CDH13: variants seen among roughly 807,000 people sequenced by gnomAD.
The protein encoded by CDH13 is cadherin-13.
CDH13 carries 24 observed loss-of-function variants against 63.8 expected under a neutral mutation model. The observed-to-expected ratio is 0.38, with a 90% CI of 0.27 to 0.53. CDH13 has a LOEUF of 0.53. CDH13 is among the 20% of genes least tolerant of loss of function. The pLI, the probability that CDH13 is intolerant of heterozygous loss-of-function variation, is 0.85. For missense variants in CDH13, 1,049 were observed against 903.1 expected (o/e 1.16, Z -2.07); for synonymous variants, 503 against 355.3 (o/e 1.42, Z -4.67).
intron 4 of CDH13, among the ~76,000 whole-genome samples, chr16:83,132,910 CT>C (rs1445696779): frequency 6.6e-6 from 1 of 152,192 alleles, no homozygotes; most frequent in Non-Finnish European, 1.5e-5. Flanking sequence ...ACACATAAGC[CT>C]TTCCTATTTC....
chr16:82,761,153 A>T (rs1440945325), intron 1 of CDH13, among the ~76,000 whole-genome samples: 1 of 148,864 alleles, frequency 6.7e-6, no homozygotes, highest in Non-Finnish European at 1.5e-5. Flanking sequence ...CCTCCCAAGT[A>T]ACTGGGAGTA....
At chr16:83,180,896 A>G (rs1288635398) in intron 4 of CDH13, 20 of 1,531,868 alleles carry the variant, frequency 1.3e-5, no homozygotes, top group Non-Finnish European at 1.7e-5. Flanking sequence ...TTAACAGCGA[A>G]CTTCTCTTGA....
chr16:83,452,796 G>A (rs1220705265), intron 6 of CDH13, among the ~76,000 whole-genome samples: 5 of 152,324 alleles, frequency 3.3e-5, no homozygotes, highest in East Asian at 1.9e-4. Flanking sequence ...AGAAGTATTC[G>A]TGGATGAAGT....
chr16:82,657,204 GTTTAA>G (rs1431027104), intron 1 of CDH13, among the ~76,000 whole-genome samples: 2 of 152,060 alleles, frequency 1.3e-5, no homozygotes, highest in Non-Finnish European at 2.9e-5. Flanking sequence ...CTGTGATAAA[GTTTAA>G]TTTATAAATG....
intron 7 of CDH13, among the ~76,000 whole-genome samples, chr16:83,553,779 A>G (rs1283993543): frequency 6.6e-6 from 1 of 151,550 alleles, no homozygotes; most frequent in Non-Finnish European, 1.5e-5. Context: ...CTGGTCTTGA[A>G]CTCCTGACCT....
chr16:83,687,650 T>C (rs1470767055), intron 10 of CDH13, among the ~76,000 whole-genome samples: 2 of 152,204 alleles, frequency 1.3e-5, no homozygotes, highest in African/African-American at 2.4e-5. Context: ...TCTTCAAACA[T>C]TGACTAATGT....
chr16:82,868,730 T>G (rs1369814347), intron 2 of CDH13, among the ~76,000 whole-genome samples: 1 of 152,212 alleles, frequency 6.6e-6, no homozygotes, highest in Non-Finnish European at 1.5e-5. Context: ...GGCTGCTTAG[T>G]GTGAGAATTT....
At chr16:83,525,209 T>G (rs1219574617) in intron 7 of CDH13, among the ~76,000 whole-genome samples, 2 of 152,170 alleles carry the variant, frequency 1.3e-5, no homozygotes, top group Non-Finnish European at 2.9e-5. Flanking sequence ...AATGTAGTAC[T>G]CGGATTGACC....
chr16:83,646,389 G>C (rs1224346603), intron 8 of CDH13, among the ~76,000 whole-genome samples: 1 of 152,102 alleles, frequency 6.6e-6, no homozygotes, highest in Admixed American at 6.5e-5. Context: ...GTTCTGCAGG[G>C]CTCAACTTTC....
chr16:83,149,857 C>G (rs890871049), intron 4 of CDH13, among the ~76,000 whole-genome samples: 4 of 152,192 alleles, frequency 2.6e-5, no homozygotes, highest in African/African-American at 9.7e-5. Context: ...AATATTTACA[C>G]CACAGAAACA....
chr16:83,695,728 T>C (rs1245224952), intron 10 of CDH13, among the ~76,000 whole-genome samples: 1 of 152,174 alleles, frequency 6.6e-6, no homozygotes, highest in Non-Finnish European at 1.5e-5. Flanking sequence ...GAACAGTAAC[T>C]AAATAGAAAG....
intron 3 of CDH13, among the ~76,000 whole-genome samples, chr16:83,060,327 G>C (rs1043097279): frequency 2.0e-5 from 3 of 152,170 alleles, no homozygotes; most frequent in African/African-American, 7.2e-5. Context: ...GTTGATAAAT[G>C]CGTAGGTCTC....
Position 82,782,038 on chromosome 16 carries a change from C to G in CDH13, c.46-76324C>G, listed in dbSNP as rs138517378. Among the ~76,000 whole-genome samples the G allele has an allele frequency of 1.9e-3, 295 of 152,302 alleles. 1 individual carries two copies. The highest frequency in any genetic ancestry group is 6.9e-3 in the African/African-American group (285 of 41,568). The stretch of plus-strand genomic sequence containing the variant: ...CAGCCAGGGGTGAGGAACACAACAG[C>G]AGGAAATTAAGTAGCTGATGAATAT... On this transcript the variant is annotated intron_variant, in intron 1 of 13. Transcript: ENST00000567109.
intron 2 of CDH13, among the ~76,000 whole-genome samples, chr16:83,000,233 T>A (rs1278510160): frequency 7.2e-5 from 6 of 83,592 alleles, no homozygotes; most frequent in South Asian, 4.9e-4. Context: ...ATTTTTTTTT[T>A]TTTTTTTTTT....
intron 10 of CDH13, among the ~76,000 whole-genome samples, chr16:83,695,431 A>G (rs1905279986): frequency 6.6e-6 from 1 of 152,172 alleles, no homozygotes; most frequent in African/African-American, 2.4e-5. Flanking sequence ...AAGAGTAGAA[A>G]TGAGTTCAAC....
chr16:83,698,003 C>T (rs1323544305), intron 10 of CDH13, among the ~76,000 whole-genome samples: 1 of 152,224 alleles, frequency 6.6e-6, no homozygotes, highest in Non-Finnish European at 1.5e-5. Context: ...AGTGTGCTTG[C>T]TTGCCTGAAC....
intron 2 of CDH13, among the ~76,000 whole-genome samples, chr16:82,887,702 T>G (rs1238914594): frequency 6.6e-6 from 1 of 152,096 alleles, no homozygotes; most frequent in Non-Finnish European, 1.5e-5. Context: ...ACACCTGTAG[T>G]CCCAGCTACT....
At chr16:83,614,988 A>G (rs1331976818) in intron 8 of CDH13, among the ~76,000 whole-genome samples, 3 of 152,272 alleles carry the variant, frequency 2.0e-5, no homozygotes, top group East Asian at 3.9e-4. Flanking sequence ...TTTCTTTCTG[A>G]TTCTTCACTT....
At chr16:83,001,089 A>T (rs1912877241) in intron 2 of CDH13, among the ~76,000 whole-genome samples, 1 of 152,296 alleles carries the variant, frequency 6.6e-6, no homozygotes. Flanking sequence ...CCTGCTTTTA[A>T]TCTGTTTATG....
Sources: gnomAD v4.1 joint callset for allele counts (sites outside exome capture counted in the v4.1 genomes callset) on GRCh38, gnomAD v4.1.1 for gene constraint, MANE v1.5 for transcripts, NCBI Gene and HGNC (gene_info 2026-07-23, HGNC 2026-07-21) for gene names.